IL1RAPL1: variants seen among roughly 807,000 people sequenced by gnomAD.
The protein encoded by IL1RAPL1 is interleukin 1 receptor accessory protein like 1.
Under a neutral mutation model 48.4 loss-of-function variants are expected in IL1RAPL1, and 3 were observed. That is an observed-to-expected ratio of 0.06 (90% confidence interval 0.03 to 0.16). IL1RAPL1 has a LOEUF of 0.16. IL1RAPL1 is among the 10% of genes least tolerant of loss of function. The probability of loss-of-function intolerance (pLI) is 1.00; values close to 1 mark genes in which losing one functional copy is unlikely to be tolerated. For synonymous variants in IL1RAPL1, 185 were observed against 187.7 expected (o/e 0.99, Z 0.12); for missense variants, 349 against 530.6 (o/e 0.66, Z 3.36).
chrX:29,575,060 T>A (rs6526890), intron 5 of IL1RAPL1, among the ~76,000 whole-genome samples: 58,311 of 110,086 alleles, frequency 0.53, 12,202 homozygotes, highest in African/African-American at 0.78. Flanking sequence ...AAAGTTCCAA[T>A]CTTTCCCTCA....
At chrX:29,405,009 G>A (rs1243196481) in intron 5 of IL1RAPL1, among the ~76,000 whole-genome samples, 3 of 110,664 alleles carry the variant, frequency 2.7e-5, no homozygotes, top group Admixed American at 1.9e-4. Flanking sequence ...TGCTTCCTGG[G>A]TTCAAGTAAT....
At chrX:29,769,546 C>T (rs1341106323) in intron 6 of IL1RAPL1, among the ~76,000 whole-genome samples, 3 of 94,444 alleles carry the variant, frequency 3.2e-5, no homozygotes, top group Non-Finnish European at 6.2e-5. Context: ...CGGGTTCCAG[C>T]GATTCTCCTG....
intron 6 of IL1RAPL1, among the ~76,000 whole-genome samples, chrX:29,732,671 T>A (rs1040917764): frequency 1.8e-5 from 2 of 112,416 alleles, no homozygotes; most frequent in African/African-American, 6.5e-5. Flanking sequence ...AAGGATTTTG[T>A]CAGTGATGTT....
chrX:28,891,353 T>A (rs1408388762), intron 2 of IL1RAPL1, among the ~76,000 whole-genome samples: 2 of 112,200 alleles, frequency 1.8e-5, no homozygotes, highest in African/African-American at 6.5e-5. Context: ...CTGACCCATT[T>A]AAATTGTATA....
chrX:28,613,021 A>G (rs886947028), intron 1 of IL1RAPL1, among the ~76,000 whole-genome samples: 1 of 111,860 alleles, frequency 8.9e-6, no homozygotes, highest in African/African-American at 3.2e-5. Flanking sequence ...CTCTTGTCAT[A>G]TAGATCTATG....
rs779072535 is a variant in IL1RAPL1, at chrX:29,313,282, TGTGTGC to T, written c.362+30067_362+30072del. Among the ~76,000 whole-genome samples, 58 of 82,517 alleles carry T rather than the reference TGTGTGC, an allele frequency of 7.0e-4. 1 individual carries two copies. Among genetic ancestry groups the T allele is most frequent in the African/African-American group, 1.0e-3 (28 of 27,833 alleles). 71.7% of individuals were successfully genotyped at this position (82,517 alleles called of 115,157 possible). ...GTGTGTGTGTGTGTGTGTGTGTGTG[TGTGTGC>T]GCGCGCACATGCATTCTCACGCTCA... On this transcript the variant is annotated intron_variant, in intron 3 of 10. Transcript: ENST00000378993.
chrX:29,780,140 C>T (rs1178392758), intron 6 of IL1RAPL1, among the ~76,000 whole-genome samples: 3 of 111,639 alleles, frequency 2.7e-5, no homozygotes, highest in Admixed American at 9.5e-5. Context: ...CTGACATTAT[C>T]GAAACCATCT....
At chrX:29,299,126 G>A (rs1427123101) in intron 3 of IL1RAPL1, among the ~76,000 whole-genome samples, 1 of 110,420 alleles carries the variant, frequency 9.1e-6, no homozygotes, top group African/African-American at 3.3e-5. Flanking sequence ...CTCCCATGCT[G>A]GACCCTTCCT....
intron 1 of IL1RAPL1, among the ~76,000 whole-genome samples, chrX:28,737,184 TTCCTTTC>T (rs1180084486): frequency 2.0e-4 from 19 of 96,118 alleles, no homozygotes; most frequent in African/African-American, 6.9e-4. Flanking sequence ...CTTCCTTTCT[TTCCTTTC>T]TCTTTCTTTC....
At position 29,025,292 on chromosome X, in the gene IL1RAPL1, C is replaced by G. The variant is rs550976724; in HGVS notation, c.82+235867C>G. 3.6e-5 allele frequency among the ~76,000 whole-genome samples: 4 copies of G among 112,075 alleles called. No individual in the cohort carries two copies. The South Asian group carries it at 1.1e-3, about 31-fold the overall frequency. ...ATGTCCAAGTGTGGACGTATGTTAT[C>G]ATTTTTCTTGGGCGTGTAACTAGGA... On this transcript the variant is annotated intron_variant, in intron 2 of 10. Transcript: ENST00000378993.
intron 1 of IL1RAPL1, among the ~76,000 whole-genome samples, chrX:28,712,019 C>T (rs1935447642): frequency 9.0e-6 from 1 of 111,028 alleles, no homozygotes; most frequent in South Asian, 3.8e-4. Context: ...GAGGCAGGTA[C>T]CTGCAGGAAG....
At chrX:29,189,353 A>G (rs781614826) in intron 2 of IL1RAPL1, among the ~76,000 whole-genome samples, 8 of 111,603 alleles carry the variant, frequency 7.2e-5, no homozygotes, top group Non-Finnish European at 1.1e-4. Flanking sequence ...TATGTTGCAA[A>G]TCTCTTGTGA....
chrX:29,009,956 G>C (rs781161690), intron 2 of IL1RAPL1, among the ~76,000 whole-genome samples: 2 of 111,555 alleles, frequency 1.8e-5, no homozygotes, highest in Non-Finnish European at 3.8e-5. Context: ...AGTTCTCCTT[G>C]TAAAGATATT....
chrX:29,056,469 G>A (rs1927216449), intron 2 of IL1RAPL1, among the ~76,000 whole-genome samples: 2 of 111,398 alleles, frequency 1.8e-5, no homozygotes, highest in Non-Finnish European at 3.8e-5. Context: ...TTTCATATAC[G>A]TGTTTATTGT....
At chrX:28,828,220 A>G (rs1431942668) in intron 2 of IL1RAPL1, among the ~76,000 whole-genome samples, 1 of 112,047 alleles carries the variant, frequency 8.9e-6, no homozygotes, top group Non-Finnish European at 1.9e-5. Flanking sequence ...TGAAATCGTT[A>G]TATGTGAACA....
intron 2 of IL1RAPL1, among the ~76,000 whole-genome samples, chrX:29,151,135 A>AAAAC (rs1188103691): frequency 1.0e-3 from 114 of 110,449 alleles, no homozygotes; most frequent in African/African-American, 3.5e-3. Flanking sequence ...TTCAGTGCTA[A>AAAAC]AAACAAACAA....
At chrX:29,230,519 A>C (rs1350615991) in intron 2 of IL1RAPL1, among the ~76,000 whole-genome samples, 4 of 95,767 alleles carry the variant, frequency 4.2e-5, no homozygotes, top group East Asian at 3.1e-4. Flanking sequence ...AAAAAAAAAA[A>C]AAAAAAAAAA....
chrX:29,205,259 T>A (rs1171808831), intron 2 of IL1RAPL1, among the ~76,000 whole-genome samples: 1 of 111,940 alleles, frequency 8.9e-6, no homozygotes, highest in Non-Finnish European at 1.9e-5. Context: ...CTGCAAGTAA[T>A]GGCTTATATT....
At chrX:29,404,953 G>A (rs997561627) in intron 5 of IL1RAPL1, among the ~76,000 whole-genome samples, 15 of 111,150 alleles carry the variant, frequency 1.3e-4, no homozygotes, top group Non-Finnish European at 2.1e-4. Context: ...TTGCTCTGTC[G>A]CCCAGGGTGG....
Sources: gnomAD v4.1 joint callset for allele counts (sites outside exome capture counted in the v4.1 genomes callset) on GRCh38, gnomAD v4.1.1 for gene constraint, MANE v1.5 for transcripts, NCBI Gene and HGNC (gene_info 2026-07-23, HGNC 2026-07-21) for gene names.